PFKFB3: variants seen among roughly 807,000 people sequenced by gnomAD.
PFKFB3 encodes 6-phosphofructo-2-kinase/fructose-2,6-biphosphatase 3.
Under a neutral mutation model 68.0 loss-of-function variants are expected in PFKFB3, and 33 were observed. That is an observed-to-expected ratio of 0.49 (90% CI 0.37 to 0.65). PFKFB3 has a LOEUF of 0.65. Ranked by LOEUF, PFKFB3 falls within the 30% of genes least tolerant of loss-of-function variation. The probability of loss-of-function intolerance (pLI) is 0.00; values close to 1 mark genes in which losing one functional copy is unlikely to be tolerated. For synonymous variants in PFKFB3, 315 were observed against 288.2 expected, an observed-to-expected ratio of 1.09 and a Z score of -0.94; for missense variants, 586 against 712.2, an observed-to-expected ratio of 0.82 and a Z score of 2.02.
At chr10:6,243,407 TAGAG>T (rs1312787010) in intron 14 of PFKFB3, among the ~76,000 whole-genome samples, 1 of 152,082 alleles carries the variant, frequency 6.6e-6, no homozygotes, top group Non-Finnish European at 1.5e-5. Flanking sequence ...ATGGCAAGCA[TAGAG>T]AGAGGAGGAA....
At chr10:6,173,766 T>C (rs1842380071) in intron 1 of PFKFB3, among the ~76,000 whole-genome samples, 1 of 151,758 alleles carries the variant, frequency 6.6e-6, no homozygotes, top group Non-Finnish European at 1.5e-5. Flanking sequence ...GAGGCCTCAT[T>C]GTAGAGGACC....
At chr10:6,158,012 G>A (rs941212924) in intron 1 of PFKFB3, among the ~76,000 whole-genome samples, 9 of 151,396 alleles carry the variant, frequency 5.9e-5, no homozygotes, top group East Asian at 3.9e-4. Context: ...GTGGCTGGGC[G>A]CGGTGGTTCA....
the PFKFB3 span, among the ~76,000 whole-genome samples, chr10:6,297,515 T>G: frequency 1.3e-5 from 2 of 152,024 alleles, no homozygotes; most frequent in Non-Finnish European, 2.9e-5. Context: ...TCTTTTTTTT[T>G]TTGTAGGCAT....
At chr10:6,261,279 T>TGGATGCAAGCCA in the PFKFB3 span, among the ~76,000 whole-genome samples, 1 of 152,264 alleles carries the variant, frequency 6.6e-6, no homozygotes, top group South Asian at 2.1e-4. Flanking sequence ...AAGGTCTTTC[T>TGGATGCAAGCCA]TTTGTTGTTA....
chr10:6,299,640 A>G, the PFKFB3 span, among the ~76,000 whole-genome samples: 1 of 152,210 alleles, frequency 6.6e-6, no homozygotes, highest in South Asian at 2.1e-4. Context: ...TCTTCTCCTT[A>G]TACAGGAATT....
At chr10:6,174,555 C>T (rs1842407598) in intron 1 of PFKFB3, among the ~76,000 whole-genome samples, 1 of 152,166 alleles carries the variant, frequency 6.6e-6, no homozygotes, top group African/African-American at 2.4e-5. Context: ...GGAGCTGGGG[C>T]TCGCTTGTCA....
chr10:6,294,036 A>G, the PFKFB3 span: 1 of 525,072 alleles, frequency 1.9e-6, no homozygotes, highest in Non-Finnish European at 3.9e-6. Context: ...ATTACCAGTT[A>G]TAGGAGCCAT....
the PFKFB3 span, among the ~76,000 whole-genome samples, chr10:6,279,632 G>A: frequency 6.6e-6 from 1 of 152,140 alleles, no homozygotes; most frequent in South Asian, 2.1e-4. Flanking sequence ...GTGACCTCCT[G>A]GAATGTCAGC....
In PFKFB3 at chr10:6,154,449, C is replaced by T. The variant is rs190986827; in HGVS notation, c.16+9436C>T. 4.6e-5 allele frequency among the ~76,000 whole-genome samples: 7 copies of T among 152,222 alleles called. No individual in the cohort carries two copies. Among genetic ancestry groups the T allele is most frequent in the East Asian group, 1.9e-4 (1 of 5,156 alleles). ...TTTTAGTAGAGACGGAATTTCACCACGTTGGTCAGGCTGGTCTTGAACTCC... is the reference window on the plus strand; with the variant it reads ...TTTTAGTAGAGACGGAATTTCACCATGTTGGTCAGGCTGGTCTTGAACTCC... On this transcript the variant is annotated intron_variant, in intron 1 of 14. Transcript: ENST00000379789. This position sits in a 1 kb window ranked among gnomAD's most constrained non-coding sequence, Gnocchi z 4.6.
intron 1 of PFKFB3, among the ~76,000 whole-genome samples, chr10:6,180,868 G>A (rs1342545876): frequency 1.3e-5 from 2 of 152,134 alleles, no homozygotes; most frequent in Non-Finnish European, 2.9e-5. Flanking sequence ...TAGTTCTCTG[G>A]CAAGTAGCAG....
In PFKFB3 at chr10:6,203,034, G is replaced by A. The variant is rs1321887084; in HGVS notation, c.-227G>A. On this transcript the variant is annotated 5_prime_UTR_variant, in exon 1 of 15. Coordinates refer to ENST00000379775, the MANE Select transcript of PFKFB3 (RefSeq NM_004566.4). The stretch of plus-strand genomic sequence containing the variant: ...CTTTCCGAGCGGACGAGCCGGCCGT[G>A]CCGGGCATCCCCAGCCTCGCTACCC... The A allele has an allele frequency of 1.8e-5, 25 of 1,374,916 alleles. No individual in the cohort carries two copies. The highest frequency in any genetic ancestry group is 2.3e-5 in the Non-Finnish European group (25 of 1,069,060). 85.2% of individuals were successfully genotyped at this position (1,374,916 alleles called of 1,614,324 possible).
At chr10:6,295,480 C>A in the PFKFB3 span, among the ~76,000 whole-genome samples, 4 of 152,148 alleles carry the variant, frequency 2.6e-5, no homozygotes, top group South Asian at 8.3e-4. Context: ...CCCACCTTGA[C>A]CTCCCAAAGT....
At chr10:6,236,857 T>A (rs1846023849), downstream of PFKFB3, among the ~76,000 whole-genome samples, 1 of 152,210 alleles carries the variant, frequency 6.6e-6, no homozygotes, top group Non-Finnish European at 1.5e-5. Flanking sequence ...ATCTGAGAGA[T>A]GGGCTAGGTC....
At chr10:6,160,155 G>T (rs1841931337) in intron 1 of PFKFB3, among the ~76,000 whole-genome samples, 1 of 152,320 alleles carries the variant, frequency 6.6e-6, no homozygotes, top group African/African-American at 2.4e-5. Flanking sequence ...ACAAGATTCA[G>T]GATAATGGTT....
intron 1 of PFKFB3, among the ~76,000 whole-genome samples, chr10:6,172,524 A>G (rs1361148964): frequency 6.6e-6 from 1 of 152,152 alleles, no homozygotes; most frequent in Non-Finnish European, 1.5e-5. Flanking sequence ...CCATGTTCCA[A>G]ATGAGGAAAC....
chr10:6,264,915 A>G, the PFKFB3 span, among the ~76,000 whole-genome samples: 1 of 152,128 alleles, frequency 6.6e-6, no homozygotes, highest in Non-Finnish European at 1.5e-5. Context: ...CCTTGATAGA[A>G]TACTTGTATA....
At chr10:6,184,860 G>A (rs376625207) in intron 1 of PFKFB3, among the ~76,000 whole-genome samples, 227 of 147,984 alleles carry the variant, frequency 1.5e-3, no homozygotes, top group African/African-American at 5.5e-3. Flanking sequence ...CTCCCATCTC[G>A]GCCTCCCAAA....
At chr10:6,237,558 A>G (rs1588559595), downstream of PFKFB3, among the ~76,000 whole-genome samples, 1 of 152,366 alleles carries the variant, frequency 6.6e-6, no homozygotes, top group Middle Eastern at 3.4e-3. Flanking sequence ...GAATTTCACA[A>G]TACTTGTGAG....
chr10:6,195,305 G>A (rs1413599515), intron 1 of PFKFB3, among the ~76,000 whole-genome samples: 2 of 152,154 alleles, frequency 1.3e-5, no homozygotes, highest in African/African-American at 2.4e-5. Context: ...ATGGGGCTTT[G>A]CCCAGGGCTG....
Sources: gnomAD v4.1 joint callset for allele counts (sites outside exome capture counted in the v4.1 genomes callset) on GRCh38, gnomAD v4.1.1 for gene constraint, Gnocchi (gnomAD v3.1) non-coding constraint, MANE v1.5 for transcripts, NCBI Gene and HGNC (gene_info 2026-07-23, HGNC 2026-07-21) for gene names.